ZNF750: variants seen among roughly 807,000 people sequenced by gnomAD.
ZNF750 encodes protein ZNF750.
Under a neutral mutation model 31.6 loss-of-function variants are expected in ZNF750, and 10 were observed. The observed-to-expected ratio is 0.32, with a 90% CI of 0.19 to 0.54. The LOEUF is 0.54. Among genes scored for constraint, ZNF750 ranks in the 20% least tolerant of loss-of-function variants. The pLI is 0.95. For synonymous variants in ZNF750, 400 were observed against 404.9 expected (o/e 0.99, Z 0.15); for missense variants, 914 against 934.9 (o/e 0.98, Z 0.29).
At position 82,830,130 on chromosome 17, in the gene ZNF750, G is replaced by A; in HGVS notation, c.*12C>T. 6.2e-7 allele frequency: 1 copy of A among 1,613,228 alleles called. No homozygotes were observed. The highest frequency in any genetic ancestry group is 8.5e-7 in the Non-Finnish European group (1 of 1,179,978). On this transcript the variant is annotated 3_prime_UTR_variant, in exon 3 of 3. Transcript: ENST00000269394. ...TGGCCGTAGCTCTGTGAACACACGT[G>A]TGAACCCGGCGTTAGGACACCCGGG...
At position 82,831,202 on chromosome 17, in the gene ZNF750, G is replaced by A; in HGVS notation, c.1253C>T (p.Thr418Ile). 6.2e-7 allele frequency: 1 copy of A among 1,614,156 alleles called. No individual in the cohort carries two copies. The highest frequency in any genetic ancestry group is 1.1e-5 in the South Asian group (1 of 91,084). The change falls in exon 2 of 3, where the codon ACC (threonine) becomes ATC (isoleucine). Residue 418 changes from threonine to isoleucine, a missense_variant. Coordinates refer to ENST00000269394, the MANE Select transcript of ZNF750 (RefSeq NM_024702.3). The surrounding 1 kb of genome is among the most constrained non-coding windows in gnomAD (Gnocchi z 4.6). ...ATGSPGRPSPTDFMQTSQTCE... is the reference protein window; with the variant it reads ...ATGSPGRPSPIDFMQTSQTCE... ...GGTCTGGCTCGTCTGCATGAAGTCG[G>A]TGGGGCTCGGCCTCCCTGGGGAGCC...
rs1212913841 is a variant in ZNF750 at position 82,833,203 on chromosome 17, T to G, written c.-182-567A>C. ...GTGCCCCTCACTTTTACACAGAGCG[T>G]GGGCTGGCCACCGTCTACTTGCTCC... On this transcript the variant is annotated intron_variant, in intron 1 of 2. Transcript: ENST00000269394. The surrounding 1 kb of genome is among the most constrained non-coding windows in gnomAD (Gnocchi z 4.7). Among the ~76,000 whole-genome samples, 1 of 152,058 alleles carries G rather than the reference T, an allele frequency of 6.6e-6. No homozygotes were observed. The highest frequency in any genetic ancestry group is 1.5e-5 in the Non-Finnish European group (1 of 68,014).
In ZNF750 at chr17:82,835,573, C is replaced by A. The variant is rs1413540478; in HGVS notation, c.-182-2937G>T. On this transcript the variant is annotated intron_variant, in intron 1 of 2. Transcript: ENST00000269394. This position sits in a 1 kb window ranked among gnomAD's most constrained non-coding sequence, Gnocchi z 4.5. ...TAGTAGCTGGGATTACAGGTGCCTA[C>A]CACCACGCCCAGCTAATTTTTTTGT... 6.6e-6 allele frequency among the ~76,000 whole-genome samples: 1 copy of A among 152,082 alleles called. No homozygotes were observed. The highest frequency in any genetic ancestry group is 1.5e-5 in the Non-Finnish European group (1 of 68,022).
rs901575623 is a variant in ZNF750, at chr17:82,833,752, G to A, written c.-182-1116C>T. On this transcript the variant is annotated intron_variant, in intron 1 of 2. Coordinates refer to ENST00000269394, the MANE Select transcript of ZNF750 (RefSeq NM_024702.3). The surrounding 1 kb of genome is among the most constrained non-coding windows in gnomAD (Gnocchi z 4.7). Reference sequence around the variant, plus strand: ...TGGGTCATGGGAGGAAGCTGTCCTGGCCCTTAACCTTTAGGGAGTGGGTTC... The same window carrying A: ...TGGGTCATGGGAGGAAGCTGTCCTGACCCTTAACCTTTAGGGAGTGGGTTC... Among the ~76,000 whole-genome samples, 1 of 152,132 alleles carries A rather than the reference G, an allele frequency of 6.6e-6. No homozygotes were observed. The highest frequency in any genetic ancestry group is 2.4e-5 in the African/African-American group (1 of 41,424).
intron 1 of ZNF750, among the ~76,000 whole-genome samples, chr17:82,838,335 T>TA (rs11370957): frequency 0.44 from 65,361 of 149,820 alleles, 14,199 homozygotes; most frequent in East Asian, 0.54. Context: ...AAAGAGTTCT[T>TA]AAAAAAAAAA....
rs1190877900 is a variant in ZNF750, at chr17:82,832,234, T to C, written c.221A>G (p.Lys74Arg). Residue 74 changes from lysine to arginine, a missense_variant, in exon 2 of 3, where the codon AAG (lysine) becomes AGG (arginine). Around this residue, in one of 2 missense-constraint regions of ZNF750, gnomAD observed 880 missense variants for 868.9 expected, o/e 1.01. Transcript: ENST00000269394. This position sits in a 1 kb window ranked among gnomAD's most constrained non-coding sequence, Gnocchi z 4.9. ...KCPKSNSLDP[K>R]QTNQPDATAK... is the part of the protein sequence containing the mutation. ...CGTGGCATCGGGCTGGTTGGTTTGC[T>C]TGGGGTCTAGTGAGTTAGATTTAGG... The C allele has an allele frequency of 1.9e-6, 3 of 1,614,236 alleles. No homozygotes were observed. The South Asian group carries it at 3.3e-5, about 18-fold the overall frequency.
At chr17:82,834,237 C>T (rs113440758) in intron 1 of ZNF750, among the ~76,000 whole-genome samples, 4 of 152,274 alleles carry the variant, frequency 2.6e-5, no homozygotes, top group East Asian at 1.9e-4. Context: ...CGTGAGCCAC[C>T]GCACCCGTCC....
At chr17:82,838,749 T>A in intron 1 of ZNF750, 2 of 985,432 alleles carry the variant, frequency 2.0e-6, no homozygotes, top group Non-Finnish European at 2.4e-6. Flanking sequence ...TCTTTGGGAA[T>A]GTAATTTGGA....
Position 82,831,864 on chromosome 17 carries a change from C to T in ZNF750, c.591G>A (p.Lys197=). Residue 197 remains lysine (K), a synonymous_variant, in exon 2 of 3, where the codon AAG becomes AAA. Transcript: ENST00000269394. The surrounding 1 kb of genome is among the most constrained non-coding windows in gnomAD (Gnocchi z 4.6). Reference sequence around the variant, plus strand: ...GGTAGCCAGGAGTGTGGAAGGCCGACTTGGTGTGGAAAGACACGGCCTTGG... The same window carrying T: ...GGTAGCCAGGAGTGTGGAAGGCCGATTTGGTGTGGAAAGACACGGCCTTGG... The part of the protein sequence containing the change: ...PTAKAVSFHT[K]SAFHTPGYPW... The T allele has an allele frequency of 6.2e-7, 1 of 1,614,104 alleles. No individual in the cohort carries two copies.
In ZNF750 at chr17:82,833,328, C is replaced by T. The variant is rs1354759167; in HGVS notation, c.-182-692G>A. Among the ~76,000 whole-genome samples, 1 of 152,154 alleles carries T rather than the reference C, an allele frequency of 6.6e-6. No homozygotes were observed. Among genetic ancestry groups the T allele is most frequent in the East Asian group, 1.9e-4 (1 of 5,180 alleles). On this transcript the variant is annotated intron_variant, in intron 1 of 2. Transcript: ENST00000269394. The surrounding 1 kb of genome is among the most constrained non-coding windows in gnomAD (Gnocchi z 4.7). ...CTGCTGCCTCCCCTGGGGCCGATCC[C>T]TAAGCACTCGTGGCAGTTTCTGCCC...
rs771100167 is a variant in ZNF750, at chr17:82,831,376, G to A, written c.1079C>T (p.Ser360Leu). The A allele has an allele frequency of 1.5e-5, 25 of 1,614,182 alleles. No individual in the cohort carries two copies. The highest frequency in any genetic ancestry group is 2.1e-5 in the Non-Finnish European group (25 of 1,180,030). Residue 360 changes from serine (S) to leucine (L), a missense_variant, in exon 2 of 3, where the codon TCG (serine) becomes TTG (leucine). This residue lies in a region of ZNF750 where 880 missense variants were observed against 868.9 expected (regional missense o/e 1.01). Coordinates refer to ENST00000269394, the MANE Select transcript of ZNF750 (RefSeq NM_024702.3). This position sits in a 1 kb window ranked among gnomAD's most constrained non-coding sequence, Gnocchi z 4.6. ...LEEATLVYPA[S>L]SPSRLNPSDP... ...CGAAGGGTTTAACCTGGAAGGACTC[G>A]AGGCTGGATAGACCAGGGTGGCTTC...
rs1003314043 is a variant in ZNF750, at chr17:82,835,510, C to T, written c.-182-2874G>A. Among the ~76,000 whole-genome samples, 1 of 152,118 alleles carries T rather than the reference C, an allele frequency of 6.6e-6. No homozygotes were observed. The highest frequency in any genetic ancestry group is 2.4e-5 in the African/African-American group (1 of 41,398). The stretch of plus-strand genomic sequence containing the variant: ...CGATCTCGGTTCACTGCAACCTCTG[C>T]CTCCTGGGTTCAAGAGATTCTCCTG... On this transcript the variant is annotated intron_variant, in intron 1 of 2. Coordinates refer to ENST00000269394, the MANE Select transcript of ZNF750 (RefSeq NM_024702.3). This position sits in a 1 kb window ranked among gnomAD's most constrained non-coding sequence, Gnocchi z 4.5.
At position 82,835,161 on chromosome 17, in the gene ZNF750, G is replaced by C. The variant is rs1422473608; in HGVS notation, c.-182-2525C>G. Among the ~76,000 whole-genome samples the C allele has an allele frequency of 1.3e-5, 2 of 152,176 alleles. No homozygotes were observed. The highest frequency in any genetic ancestry group is 2.9e-5 in the Non-Finnish European group (2 of 68,028). On this transcript the variant is annotated intron_variant, in intron 1 of 2. Transcript: ENST00000269394. The surrounding 1 kb of genome is among the most constrained non-coding windows in gnomAD (Gnocchi z 4.5). ...GATGTGCCCATTCTTGAGTCTGTGA[G>C]GTTTTATGTGTAGACATCAGGGTGG... is the stretch of plus-strand genomic sequence containing the variant.
Position 82,831,218 on chromosome 17 carries a change from C to T in ZNF750, c.1237G>A (p.Gly413Arg). 1.9e-6 allele frequency: 3 copies of T among 1,614,038 alleles called. No individual in the cohort carries two copies. The African/African-American group carries it at 4.0e-5, about 22-fold the overall frequency. ...RAGSAATGSP[G>R]RPSPTDFMQT... Reference sequence around the variant, plus strand: ...ATGAAGTCGGTGGGGCTCGGCCTCCCTGGGGAGCCCGTGGCTGCACTCCCT... The same window carrying T: ...ATGAAGTCGGTGGGGCTCGGCCTCCTTGGGGAGCCCGTGGCTGCACTCCCT... Residue 413 changes from glycine to arginine, a missense_variant, in exon 2 of 3, where the codon GGG becomes AGG. By Grantham distance (125) the Gly-to-Arg change is moderately radical. Transcript: ENST00000269394. The surrounding 1 kb of genome is among the most constrained non-coding windows in gnomAD (Gnocchi z 4.6).
At position 82,835,417 on chromosome 17, in the gene ZNF750, A is replaced by ATTTC. The variant is rs145370898; in HGVS notation, c.-182-2785_-182-2782dup. Among the ~76,000 whole-genome samples the ATTTC allele has an allele frequency of 6.6e-6, 1 of 151,764 alleles. No homozygotes were observed. The highest frequency in any genetic ancestry group is 1.9e-4 in the East Asian group (1 of 5,154). Reference sequence around the variant, plus strand: ...CTGGTTTCTCTACTGATTTATTCATATTTCTTTCTTTCTTTCTTTTTTGAG... The same window carrying ATTTC: ...CTGGTTTCTCTACTGATTTATTCATATTTCTTTCTTTCTTTCTTTCTTTTTTGAG... On this transcript the variant is annotated intron_variant, in intron 1 of 2. Coordinates refer to ENST00000269394, the MANE Select transcript of ZNF750 (RefSeq NM_024702.3). This position sits in a 1 kb window ranked among gnomAD's most constrained non-coding sequence, Gnocchi z 4.5.
chr17:82,831,051 C>A lies in ZNF750; in HGVS notation c.1404G>T (p.Gln468His). The change falls in exon 2 of 3, where the codon CAG (glutamine) becomes CAT (histidine). Residue 468 changes from glutamine to histidine, a missense_variant. This residue lies in a region of ZNF750 where 880 missense variants were observed against 868.9 expected (regional missense o/e 1.01). Coordinates refer to ENST00000269394, the MANE Select transcript of ZNF750 (RefSeq NM_024702.3). The surrounding 1 kb of genome is among the most constrained non-coding windows in gnomAD (Gnocchi z 4.6). ...VKKSTECLPA[Q>H]AAETTAESPV... is the part of the protein sequence containing the mutation. Reference sequence around the variant, plus strand: ...GAGACTCTGCTGTGGTCTCAGCAGCCTGGGCAGGTAGGCATTCTGTGCTTT... The same window carrying A: ...GAGACTCTGCTGTGGTCTCAGCAGCATGGGCAGGTAGGCATTCTGTGCTTT... The A allele has an allele frequency of 6.2e-7, 1 of 1,614,188 alleles. No individual in the cohort carries two copies. Among genetic ancestry groups the A allele is most frequent in the Non-Finnish European group, 8.5e-7 (1 of 1,180,048 alleles).
chr17:82,838,703 A>G (rs2054195648), intron 1 of ZNF750: 1 of 985,338 alleles, frequency 1.0e-6, no homozygotes, highest in South Asian at 4.7e-5. Context: ...AATGAAAGAT[A>G]AACCTCAGGA....
chr17:82,831,956 C>T lies in ZNF750; in HGVS notation c.499G>A (p.Glu167Lys), dbSNP rs374227498. 25 of 1,613,836 alleles carry T rather than the reference C, an allele frequency of 1.5e-5. No individual in the cohort carries two copies. The Admixed American group carries it at 1.8e-4, about 12-fold the overall frequency. Residue 167 changes from glutamate to lysine, a missense_variant, in exon 2 of 3, where the codon GAG becomes AAG. Transcript: ENST00000269394. This position sits in a 1 kb window ranked among gnomAD's most constrained non-coding sequence, Gnocchi z 4.6. ...TTGTCTGGCCCCTTGAGTCTGTGCT[C>T]GCCGACTGGAACAAATGCAGAAGGC... ...ARPSAFVPVGEHRLKGPDNAE... is the reference protein window; with the variant it reads ...ARPSAFVPVGKHRLKGPDNAE...
In ZNF750 at chr17:82,837,619, T is replaced by C. The variant is rs554098868; in HGVS notation, c.-183+2308A>G. On this transcript the variant is annotated intron_variant, in intron 1 of 2. Transcript: ENST00000269394. ...TGAGAACTGCAGTGCTAGCGTGTTT[T>C]ACAGTGAAGACCTCGGTGTGATCCT... 1.5e-4 allele frequency among the ~76,000 whole-genome samples: 23 copies of C among 152,324 alleles called. 1 individual carries two copies. The South Asian group carries it at 4.6e-3, about 30-fold the overall frequency.
Sources: gnomAD v4.1 joint callset for allele counts (sites outside exome capture counted in the v4.1 genomes callset) on GRCh38, gnomAD v4.1.1 for gene constraint, gnomAD v4.1.1 regional missense constraint, Gnocchi (gnomAD v3.1) non-coding constraint, MANE v1.5 for transcripts, NCBI Gene and HGNC (gene_info 2026-07-23, HGNC 2026-07-21) for gene names.